EBF4: variants seen among roughly 807,000 people sequenced by gnomAD.
The protein encoded by EBF4 is EBF transcription factor 4, also known as transcription factor COE4.
EBF4 carries 34 observed loss-of-function variants against 67.1 expected under a neutral mutation model. The observed-to-expected ratio is 0.51, with a 90% CI of 0.39 to 0.67. EBF4 has a LOEUF of 0.67. Among genes scored for constraint, EBF4 ranks in the 30% least tolerant of loss-of-function variants. The pLI, the probability that EBF4 is intolerant of heterozygous loss-of-function variation, is 0.00. For synonymous variants in EBF4, 387 were observed against 377.7 expected, an observed-to-expected ratio of 1.02 and a Z score of -0.29; for missense variants, 837 against 873.3, an observed-to-expected ratio of 0.96 and a Z score of 0.52.
At chr20:2,736,882 A>G (rs1333311793) in intron 6 of EBF4, among the ~76,000 whole-genome samples, 1 of 152,218 alleles carries the variant, frequency 6.6e-6, no homozygotes, top group East Asian at 1.9e-4. Flanking sequence ...TGGGCAGCCG[A>G]AGCCAAGCTT....
At chr20:2,700,341 T>C (rs192731801) in intron 1 of EBF4, among the ~76,000 whole-genome samples, 2 of 152,272 alleles carry the variant, frequency 1.3e-5, no homozygotes, top group African/African-American at 4.8e-5. Flanking sequence ...CCAAATAAAA[T>C]ACTTGCCTCT....
chr20:2,721,206 G>T, intron 6 of EBF4, among the ~76,000 whole-genome samples: 1 of 146,672 alleles, frequency 6.8e-6, no homozygotes, highest in African/African-American at 2.5e-5. Context: ...CTCACATATT[G>T]GAACTTCTTG....
chr20:2,697,392 A>G (rs1374569710), intron 1 of EBF4, among the ~76,000 whole-genome samples: 2 of 152,104 alleles, frequency 1.3e-5, no homozygotes, highest in East Asian at 3.9e-4. Flanking sequence ...AAAAATACAA[A>G]AAATTAGCCG....
chr20:2,732,737 A>G (rs1302213882), intron 6 of EBF4, among the ~76,000 whole-genome samples: 2 of 152,070 alleles, frequency 1.3e-5, no homozygotes, highest in Non-Finnish European at 2.9e-5. Context: ...TCATCCATTT[A>G]TATTTAATGT....
At chr20:2,700,429 CG>C (rs140692278) in intron 1 of EBF4, among the ~76,000 whole-genome samples, 3,372 of 152,240 alleles carry the variant, frequency 0.022, 120 homozygotes, top group African/African-American at 0.076. Flanking sequence ...AAAAGACATA[CG>C]TGCAGTTTCT....
intron 6 of EBF4, among the ~76,000 whole-genome samples, chr20:2,737,081 C>G (rs563679534): frequency 2.0e-5 from 3 of 151,152 alleles, no homozygotes; most frequent in East Asian, 2.0e-4. Context: ...AACCCCGTCT[C>G]TACTAAAAAT....
At chr20:2,744,552 C>T in intron 6 of EBF4, among the ~76,000 whole-genome samples, 1 of 125,632 alleles carries the variant, frequency 8.0e-6, no homozygotes, top group Non-Finnish European at 1.5e-5. Context: ...AGTGTAGTGG[C>T]TCAACCTTGG....
intron 6 of EBF4, among the ~76,000 whole-genome samples, chr20:2,740,579 A>G (rs1482180318): frequency 6.6e-6 from 1 of 152,196 alleles, no homozygotes; most frequent in African/African-American, 2.4e-5. Flanking sequence ...AGCCCTAAGT[A>G]TCTCATGGGG....
At chr20:2,743,301 C>G (rs1350578359) in intron 6 of EBF4, among the ~76,000 whole-genome samples, 2 of 152,174 alleles carry the variant, frequency 1.3e-5, no homozygotes, top group Non-Finnish European at 2.9e-5. Context: ...CAGCGGCACC[C>G]GGAGGGTCGG....
intron 6 of EBF4, among the ~76,000 whole-genome samples, chr20:2,741,630 C>T (rs945828850): frequency 1.2e-4 from 19 of 152,238 alleles, no homozygotes; most frequent in South Asian, 1.0e-3. Context: ...GACATGATTA[C>T]GAAGGCTAAA....
At chr20:2,704,658 GAATT>G (rs1428736191) in intron 1 of EBF4, among the ~76,000 whole-genome samples, 5 of 152,158 alleles carry the variant, frequency 3.3e-5, no homozygotes, top group African/African-American at 1.2e-4. Context: ...CCCATAAAAA[GAATT>G]AATATTTTCT....
upstream of EBF4, chr20:2,692,847 G>C (rs1210234123): frequency 6.8e-6 from 1 of 146,108 alleles, no homozygotes; most frequent in Non-Finnish European, 1.5e-5. The surrounding 1 kb of genome is among the most constrained non-coding windows in gnomAD (Gnocchi z 6.4). Context: ...GCCCGGGCCC[G>C]AGGCCAGGCC....
At chr20:2,753,184 C>G (rs1321960623) in intron 14 of EBF4, among the ~76,000 whole-genome samples, 1 of 152,214 alleles carries the variant, frequency 6.6e-6, no homozygotes, top group Non-Finnish European at 1.5e-5. Flanking sequence ...AATTCCACCC[C>G]CTGCTTAAGG....
Position 2,748,144 on chromosome 20 carries a change from G to A in EBF4, c.558-405G>A, listed in dbSNP as rs1294513231. On this transcript the variant is annotated intron_variant, in intron 6 of 16. Transcript: ENST00000609451. ...ATAACATTACATGGGGTATGTGTGCGTACACGCCACATACGGAGCATATAT... is the reference window on the plus strand; with the variant it reads ...ATAACATTACATGGGGTATGTGTGCATACACGCCACATACGGAGCATATAT... 5.3e-5 allele frequency among the ~76,000 whole-genome samples: 8 copies of A among 152,200 alleles called. No homozygotes were observed. The East Asian group carries it at 5.8e-4, about 11-fold the overall frequency.
chr20:2,697,038 T>C (rs2087299130), intron 1 of EBF4, among the ~76,000 whole-genome samples: 1 of 152,128 alleles, frequency 6.6e-6, no homozygotes, highest in Admixed American at 6.5e-5. Flanking sequence ...CAAGTCCCCT[T>C]ATATTGGTTC....
intron 6 of EBF4, among the ~76,000 whole-genome samples, chr20:2,721,253 T>TTG (rs1191061865): frequency 2.0e-5 from 3 of 150,578 alleles, no homozygotes; most frequent in African/African-American, 7.3e-5. Flanking sequence ...CTTCTTTTTT[T>TTG]TTTTTTTTTT....
rs2087942697 is a variant in EBF4, at chr20:2,739,862, A to C, written c.558-8687A>C. Among the ~76,000 whole-genome samples the C allele has an allele frequency of 6.6e-6, 1 of 151,692 alleles. No individual in the cohort carries two copies. Among genetic ancestry groups the C allele is most frequent in the Non-Finnish European group, 1.5e-5 (1 of 67,910 alleles). ...ACATATCCAATTTAATCTACCCTTC[A>C]CTCTTAACCTGCTGTCTTTCCCAAG... is the stretch of plus-strand genomic sequence containing the variant. On this transcript the variant is annotated intron_variant, in intron 6 of 16. Coordinates refer to ENST00000609451, the Ensembl canonical transcript of EBF4. The surrounding 1 kb of genome is among the most constrained non-coding windows in gnomAD (Gnocchi z 4.5).
rs139996026 is a variant in EBF4 at position 2,719,531 on chromosome 20, C to T, written c.557+9889C>T. Reference sequence around the variant, plus strand: ...CTCAAGTAATCCAGGCCCTGGCCTCCCAAAGTGCTGGGATTACAGGCATGA... The same window carrying T: ...CTCAAGTAATCCAGGCCCTGGCCTCTCAAAGTGCTGGGATTACAGGCATGA... On this transcript the variant is annotated intron_variant, in intron 6 of 16. Coordinates refer to ENST00000609451, the Ensembl canonical transcript of EBF4. 1.8e-3 allele frequency among the ~76,000 whole-genome samples: 275 copies of T among 152,268 alleles called. 5 individuals are homozygous for T. In the South Asian group the frequency reaches 0.025, roughly 14 times the overall value.
At chr20:2,699,749 T>C (rs877146) in intron 1 of EBF4, among the ~76,000 whole-genome samples, 10,588 of 152,300 alleles carry the variant, frequency 0.07, 1,058 homozygotes, top group African/African-American at 0.22. Flanking sequence ...GTGAATAAGC[T>C]GTTTCTGAAT....
Sources: gnomAD v4.1 joint callset for allele counts (sites outside exome capture counted in the v4.1 genomes callset) on GRCh38, gnomAD v4.1.1 for gene constraint, Gnocchi (gnomAD v3.1) non-coding constraint, MANE v1.5 for transcripts, NCBI Gene and HGNC (gene_info 2026-07-23, HGNC 2026-07-21) for gene names.